CISD1: variants seen among roughly 807,000 people sequenced by gnomAD.
CISD1 encodes CDGSH iron-sulfur domain-containing protein 1.
A neutral mutation model predicts 12.0 loss-of-function variants in CISD1; 8 were observed. That is an observed-to-expected ratio of 0.67 (90% CI 0.39 to 1.20). The LOEUF (loss-of-function observed/expected upper bound fraction) is 1.20. Among genes scored for constraint, CISD1 ranks in the 50% most tolerant of loss-of-function variants. The pLI, the probability that CISD1 is intolerant of heterozygous loss-of-function variation, is 0.01. For missense variants in CISD1, 107 were observed against 132.7 expected (o/e 0.81, Z 0.95); for synonymous variants, 38 against 42.2 (o/e 0.90, Z 0.39).
chr10:58,287,331 ACT>A (rs200846183), intron 2 of CISD1, among the ~76,000 whole-genome samples: 2,158 of 152,258 alleles, frequency 0.014, 22 homozygotes, highest in Middle Eastern at 0.041. Flanking sequence ...GGCCTTCAAC[ACT>A]CATCACAATC....
At chr10:58,276,524 A>G (rs1839316756) in intron 1 of CISD1, among the ~76,000 whole-genome samples, 1 of 151,954 alleles carries the variant, frequency 6.6e-6, no homozygotes, top group Non-Finnish European at 1.5e-5. Context: ...ATCCTGCTAC[A>G]TATATTCCTT....
intron 2 of CISD1, among the ~76,000 whole-genome samples, chr10:58,285,233 T>C (rs1036398390): frequency 1.3e-5 from 2 of 152,234 alleles, no homozygotes; most frequent in Non-Finnish European, 2.9e-5. Flanking sequence ...ATATAAGATA[T>C]GCCAATACCT....
At chr10:58,283,559 C>G (rs1002956011) in intron 2 of CISD1, among the ~76,000 whole-genome samples, 2 of 152,130 alleles carry the variant, frequency 1.3e-5, no homozygotes, top group Admixed American at 1.3e-4. Context: ...GGAAGATAGT[C>G]TTTAAAAGAA....
chr10:58,288,890 A>G lies in CISD1; in HGVS notation c.*1240A>G, dbSNP rs982431473. The G allele has an allele frequency of 1.3e-5, 2 of 152,258 alleles. No homozygotes were observed. The highest frequency in any genetic ancestry group is 1.3e-4 in the Admixed American group (2 of 15,280). The allele number at this position is 152,258 out of a possible 1,614,324, so 9.4% of individuals were successfully genotyped here. On this transcript the variant is annotated 3_prime_UTR_variant, in exon 3 of 3. Transcript: ENST00000333926. ...ATACATGAATTCTCAGTAGTAGTCAATCACAAATTTCTACTTGCTAAAATC... is the reference window on the plus strand; with the variant it reads ...ATACATGAATTCTCAGTAGTAGTCAGTCACAAATTTCTACTTGCTAAAATC...
chr10:58,271,954 T>C (rs1186028283), intron 1 of CISD1, among the ~76,000 whole-genome samples: 1 of 152,206 alleles, frequency 6.6e-6, no homozygotes, highest in Admixed American at 6.5e-5. Context: ...CAGTCTCTTA[T>C]GATTCCTCCT....
intron 1 of CISD1, among the ~76,000 whole-genome samples, chr10:58,270,611 C>T (rs1196178606): frequency 6.6e-6 from 1 of 152,168 alleles, no homozygotes. Context: ...TGTACATGAA[C>T]ACTAAACTCT....
intron 2 of CISD1, among the ~76,000 whole-genome samples, chr10:58,286,542 T>A (rs1839432033): frequency 6.6e-6 from 1 of 152,192 alleles, no homozygotes; most frequent in South Asian, 2.1e-4. Flanking sequence ...TTGTGTTTTT[T>A]ATAGCAAAAT....
At chr10:58,276,000 T>G (rs1839311567) in intron 1 of CISD1, 1 of 152,190 alleles carries the variant, frequency 6.6e-6, no homozygotes, top group African/African-American at 2.4e-5. Flanking sequence ...TACTTGTCTG[T>G]CTAGGGTTTT....
chr10:58,278,860 A>G (rs1839343846), intron 2 of CISD1, among the ~76,000 whole-genome samples: 1 of 152,206 alleles, frequency 6.6e-6, no homozygotes, highest in African/African-American at 2.4e-5. Context: ...ACACAGACGC[A>G]GAGGACACAG....
chr10:58,281,552 C>T (rs1487848364), intron 2 of CISD1, among the ~76,000 whole-genome samples: 1 of 152,240 alleles, frequency 6.6e-6, no homozygotes, highest in East Asian at 1.9e-4. Context: ...AAACTCCCCA[C>T]ATTCCTGTGG....
At chr10:58,279,350 G>A (rs1350347109) in intron 2 of CISD1, among the ~76,000 whole-genome samples, 1 of 151,894 alleles carries the variant, frequency 6.6e-6, no homozygotes, top group Non-Finnish European at 1.5e-5. Flanking sequence ...AAACATTTTG[G>A]ATTTCAGATT....
At chr10:58,284,937 T>C (rs1409329915) in intron 2 of CISD1, among the ~76,000 whole-genome samples, 1 of 152,198 alleles carries the variant, frequency 6.6e-6, no homozygotes, top group Non-Finnish European at 1.5e-5. Flanking sequence ...ATGTAAACTT[T>C]TATGCTCACT....
In CISD1 at chr10:58,270,231, A is replaced by C. The variant is rs1261849385; in HGVS notation, c.31+927A>C. 2.6e-5 allele frequency among the ~76,000 whole-genome samples: 4 copies of C among 152,188 alleles called. No homozygotes were observed. The East Asian group carries it at 5.8e-4, about 22-fold the overall frequency. ...AAAAGTCCCTACTAACTTGAGCCCTAATTTTTTAATAGGTAGTTTCCAAAA... is the reference window on the plus strand; with the variant it reads ...AAAAGTCCCTACTAACTTGAGCCCTCATTTTTTAATAGGTAGTTTCCAAAA... On this transcript the variant is annotated intron_variant, in intron 1 of 2. Transcript: ENST00000333926.
intron 2 of CISD1, among the ~76,000 whole-genome samples, chr10:58,279,351 ATTTCAGATTTTCTTTTCATTT>A (rs943910348): frequency 6.6e-6 from 1 of 152,072 alleles, no homozygotes; most frequent in Non-Finnish European, 1.5e-5. Context: ...AACATTTTGG[ATTTCAGATTTTCTTTTCATTT>A]TTATGAAAAG....
chr10:58,284,783 C>T (rs1839411286), intron 2 of CISD1, among the ~76,000 whole-genome samples: 1 of 151,892 alleles, frequency 6.6e-6, no homozygotes, highest in Admixed American at 6.6e-5. Flanking sequence ...CTAATATTTT[C>T]AACATAAGAT....
chr10:58,284,772 T>G (rs181741110), intron 2 of CISD1, among the ~76,000 whole-genome samples: 80 of 152,326 alleles, frequency 5.3e-4, no homozygotes, highest in African/African-American at 1.8e-3. Flanking sequence ...AATGTTAGTT[T>G]CTAATATTTT....
At chr10:58,280,718 C>G (rs1839364569) in intron 2 of CISD1, among the ~76,000 whole-genome samples, 1 of 151,982 alleles carries the variant, frequency 6.6e-6, no homozygotes, top group Non-Finnish European at 1.5e-5. Flanking sequence ...GGAAGGGGGA[C>G]AAGAGCCATT....
rs1839457833 is a variant in CISD1, at chr10:58,288,757, A to T, written c.*1107A>T. 6.6e-6 allele frequency: 1 copy of T among 152,302 alleles called. No homozygotes were observed. Among genetic ancestry groups the T allele is most frequent in the Non-Finnish European group, 1.5e-5 (1 of 67,988 alleles). 9.4% of individuals were successfully genotyped at this position (152,302 alleles called of 1,614,324 possible). ...GTTCATAAATATTTTTAAAGAGATT[A>T]GGTTTTTGAATTTCATAGGTTAGAA... On this transcript the variant is annotated 3_prime_UTR_variant, in exon 3 of 3. Coordinates refer to ENST00000333926, the MANE Select transcript of CISD1 (RefSeq NM_018464.5).
In CISD1 at chr10:58,287,832, CAAAAAAAA is replaced by C; in HGVS notation, c.*192_*199del. On this transcript the variant is annotated 3_prime_UTR_variant, in exon 3 of 3. Coordinates refer to ENST00000333926, the MANE Select transcript of CISD1 (RefSeq NM_018464.5). ...ACATCGTGGTGCACATTTGTTTAAA[CAAAAAAAA>C]AAAAAAAAAGGAAAAACCAACCTGC... The C allele has an allele frequency of 8.0e-6, 2 of 248,922 alleles. No individual in the cohort carries two copies. Among genetic ancestry groups the C allele is most frequent in the Admixed American group, 6.9e-5 (1 of 14,558 alleles). The allele number at this position is 248,922 out of a possible 1,614,324, so 15.4% of individuals were successfully genotyped here.
Sources: allele counts gnomAD v4.1 joint callset (sites outside exome capture counted in the v4.1 genomes callset), GRCh38; gene constraint gnomAD v4.1.1; transcripts MANE v1.5; gene names NCBI Gene and HGNC (gene_info 2026-07-23, HGNC 2026-07-21).